FRG1: variants seen among roughly 807,000 people sequenced by gnomAD.
The protein encoded by FRG1 is protein FRG1.
A neutral mutation model predicts 37.0 loss-of-function variants in FRG1; 19 were observed. That is an observed-to-expected ratio of 0.51 (90% CI 0.36 to 0.75). The LOEUF is 0.75. Ranked by LOEUF, FRG1 falls within the 30% of genes least tolerant of loss-of-function variation. The pLI is 0.00. For synonymous variants in FRG1, 73 were observed against 96.5 expected, an observed-to-expected ratio of 0.76 and a Z score of 1.43; for missense variants, 243 against 301.4, an observed-to-expected ratio of 0.81 and a Z score of 1.44.
intron 2 of FRG1, among the ~76,000 whole-genome samples, chr4:189,945,527 T>C (rs1318871245): frequency 6.6e-6 from 1 of 152,238 alleles, no homozygotes; most frequent in Non-Finnish European, 1.5e-5. Flanking sequence ...TTCTTCATTC[T>C]GCCAGTGGAT....
intron 1 of FRG1, among the ~76,000 whole-genome samples, chr4:189,942,912 C>A (rs1009063724): frequency 6.6e-6 from 1 of 152,128 alleles, no homozygotes; most frequent in South Asian, 2.1e-4. Flanking sequence ...GGGAAACTGA[C>A]TCAGAGAGAT....
chr4:189,955,334 A>G (rs1561073684), intron 5 of FRG1, among the ~76,000 whole-genome samples, 183 bp downstream of exon 5: 1 of 152,232 alleles, frequency 6.6e-6, no homozygotes, highest in African/African-American at 2.4e-5. Context: ...CAAAAATCGC[A>G]TTAGTCCTTT....
chr4:189,952,412 C>A, intron 3 of FRG1, 125 bp downstream of exon 3: 3 of 839,688 alleles, frequency 3.6e-6, no homozygotes, highest in Non-Finnish European at 5.5e-6. Context: ...TTGACTCTTC[C>A]ATTTTTTTTT....
At chr4:189,946,186 A>G (rs1169375303) in intron 2 of FRG1, among the ~76,000 whole-genome samples, 1 of 151,812 alleles carries the variant, frequency 6.6e-6, no homozygotes, top group Non-Finnish European at 1.5e-5. Context: ...AAGATCATTT[A>G]TTTTAGATCG....
At chr4:189,950,328 C>G (rs868349420) in intron 2 of FRG1, among the ~76,000 whole-genome samples, 2 of 152,310 alleles carry the variant, frequency 1.3e-5, no homozygotes, top group South Asian at 4.1e-4. Flanking sequence ...TTGCCTTTTA[C>G]TCTGTTGATG....
At chr4:189,947,441 CCT>C (rs1480411830) in intron 2 of FRG1, among the ~76,000 whole-genome samples, 25 of 152,244 alleles carry the variant, frequency 1.6e-4, no homozygotes, top group African/African-American at 6.0e-4. Flanking sequence ...ATTTGACCAC[CCT>C]TTTGCTCCTG....
intron 8 of FRG1, among the ~76,000 whole-genome samples, chr4:189,962,776 A>C (rs77564206): frequency 6.6e-6 from 1 of 151,988 alleles, no homozygotes; most frequent in African/African-American, 2.4e-5. Flanking sequence ...TGTAACTTTT[A>C]TCACTTGTAA....
Position 189,955,097 on chromosome 4 carries a change from T to C in FRG1, c.378T>C (p.Val126=). 6.2e-7 allele frequency: 1 copy of C among 1,613,738 alleles called. No individual in the cohort carries two copies. Among genetic ancestry groups the C allele is most frequent in the Non-Finnish European group, 8.5e-7 (1 of 1,179,672 alleles). Residue 126 remains valine (V), a synonymous_variant, in exon 5 of 9, where the codon GTT becomes GTC. Coordinates refer to ENST00000226798, the MANE Select transcript of FRG1 (RefSeq NM_004477.3). ...YLGINSDGLV[V]GRSDAIGPRE... is the part of the protein sequence containing the mutation. ...GTATAAATTCAGATGGACTTGTTGT[T>C]GGGCGTTCAGATGCAATTGGACCAA... is the stretch of plus-strand genomic sequence containing the variant.
At chr4:189,943,658 G>A (rs1426932322) in intron 2 of FRG1, among the ~76,000 whole-genome samples, 1 of 152,122 alleles carries the variant, frequency 6.6e-6, no homozygotes, top group Non-Finnish European at 1.5e-5. Flanking sequence ...ATCTTCACAG[G>A]AAAAATCATT....
chr4:189,945,043 C>T lies in FRG1; in HGVS notation c.133+1771C>T, dbSNP rs572923531. ...GTATTTTATAATTTTACATTACTGT[C>T]AATAGAACCTTTGAATTTGATTTTC... On this transcript the variant is annotated intron_variant, in intron 2 of 8. Coordinates refer to ENST00000226798, the MANE Select transcript of FRG1 (RefSeq NM_004477.3). Among the ~76,000 whole-genome samples, 54 of 152,202 alleles carry T rather than the reference C, an allele frequency of 3.5e-4. No individual in the cohort carries two copies. The South Asian group carries it at 0.01, about 29-fold the overall frequency.
intron 5 of FRG1, among the ~76,000 whole-genome samples, chr4:189,956,066 C>T (rs557253481): frequency 6.6e-6 from 1 of 152,272 alleles, no homozygotes; most frequent in Non-Finnish European, 1.5e-5. Context: ...TGGCCCAACC[C>T]ATTGAGAAAT....
At chr4:189,948,166 C>T (rs1406475745) in intron 2 of FRG1, among the ~76,000 whole-genome samples, 1 of 151,964 alleles carries the variant, frequency 6.6e-6, no homozygotes, top group Non-Finnish European at 1.5e-5. Flanking sequence ...TAAGCATGTG[C>T]CTATTTGTGA....
At chr4:189,961,081 T>G (rs1409112645) in intron 7 of FRG1, 1 of 423,286 alleles carries the variant, frequency 2.4e-6, no homozygotes, top group Non-Finnish European at 4.4e-6. Context: ...ATGAAACTGA[T>G]GGACAAGAAG....
At chr4:189,959,897 C>G (rs1737156842) in intron 6 of FRG1, 1 of 983,446 alleles carries the variant, frequency 1.0e-6, no homozygotes, top group South Asian at 4.7e-5. Flanking sequence ...CCTTATCTAC[C>G]AGAACACAGA....
chr4:189,949,341 T>C (rs1318214615), intron 2 of FRG1, among the ~76,000 whole-genome samples: 1 of 152,220 alleles, frequency 6.6e-6, no homozygotes, highest in Non-Finnish European at 1.5e-5. Context: ...TGTAGGCCAC[T>C]TGCAGAAAGT....
chr4:189,941,479 G>A (rs1475372716), intron 1 of FRG1, among the ~76,000 whole-genome samples: 1 of 152,190 alleles, frequency 6.6e-6, no homozygotes, highest in Non-Finnish European at 1.5e-5. Context: ...AATCTAATAT[G>A]TACAGTGAAA....
chr4:189,947,146 C>A lies in FRG1; in HGVS notation c.133+3874C>A, dbSNP rs565157412. Among the ~76,000 whole-genome samples, 573 of 152,324 alleles carry A rather than the reference C, an allele frequency of 3.8e-3. 1 individual carries two copies. The highest frequency in any genetic ancestry group is 0.013 in the African/African-American group (539 of 41,576). On this transcript the variant is annotated intron_variant, in intron 2 of 8. Coordinates refer to ENST00000226798, the MANE Select transcript of FRG1 (RefSeq NM_004477.3). ...CGTGAGCCGCGGTGCCCGGCCAGTT[C>A]AGTGTTCTTTAGATGTCTGTTAGAT...
chr4:189,954,723 T>C (rs1736906399), intron 4 of FRG1, among the ~76,000 whole-genome samples: 1 of 151,836 alleles, frequency 6.6e-6, no homozygotes, highest in South Asian at 2.1e-4. Context: ...GCCTCCCAAG[T>C]AGCTGGTATC....
chr4:189,947,840 C>T (rs1252758200), intron 2 of FRG1, among the ~76,000 whole-genome samples: 1 of 152,210 alleles, frequency 6.6e-6, no homozygotes. Context: ...AGCTTAGTGA[C>T]AGTGACATTG....
Sources: allele counts gnomAD v4.1 joint callset (sites outside exome capture counted in the v4.1 genomes callset), GRCh38; gene constraint gnomAD v4.1.1; transcripts MANE v1.5; gene names NCBI Gene and HGNC (gene_info 2026-07-23, HGNC 2026-07-21).